Variants in TMEM245 observed in about 807,000 individuals in gnomAD.
The protein encoded by TMEM245 is protein CG-2.
TMEM245 carries 69 observed loss-of-function variants against 101.2 expected under a neutral mutation model. The ratio of observed to expected loss-of-function variants is 0.68; its 90% CI spans 0.56 to 0.83. TMEM245 has a LOEUF of 0.83. Among genes scored for constraint, TMEM245 ranks in the 40% least tolerant of loss-of-function variants. The pLI is 0.00. For synonymous variants in TMEM245, 537 were observed against 449.8 expected (o/e 1.19, Z -2.45); for missense variants, 1,075 against 1,092.8 (o/e 0.98, Z 0.23).
intron 3 of TMEM245, among the ~76,000 whole-genome samples, chr9:109,105,005 T>C (rs1418593181): frequency 1.3e-5 from 2 of 152,112 alleles, no homozygotes; most frequent in African/African-American, 4.8e-5. Context: ...AAAAAGTAGA[T>C]AAACTGGACT....
chr9:109,032,368 T>TCC (rs1827978716), intron 17 of TMEM245, among the ~76,000 whole-genome samples: 2 of 25,678 alleles, frequency 7.8e-5, no homozygotes, highest in African/African-American at 4.9e-4. Context: ...TCTTTTCCTT[T>TCC]TTTTTTTTTT....
At position 109,050,674 on chromosome 9, in the gene TMEM245, T is replaced by C. The variant is rs566287197; in HGVS notation, c.1873A>G (p.Ile625Val). ...TFLSILESLWIVMSRNVSLLF... is the reference protein window; with the variant it reads ...TFLSILESLWVVMSRNVSLLF... ...AGGCTCACATTCCGGCTCATAACGA[T>C]CCACAGAGACTCCAAGATCTGACGA... Residue 625 changes from isoleucine to valine, a missense_variant, in exon 13 of 18, where the codon ATC becomes GTC. By Grantham distance (29) the Ile-to-Val change is conservative. Transcript: ENST00000374586. 1.2e-6 allele frequency: 2 copies of C among 1,611,760 alleles called. No individual in the cohort carries two copies. The highest frequency in any genetic ancestry group is 1.7e-5 in the Admixed American group (1 of 59,538).
intron 9 of TMEM245, among the ~76,000 whole-genome samples, chr9:109,071,040 C>T (rs952765901): frequency 6.6e-6 from 1 of 151,954 alleles, no homozygotes; most frequent in African/African-American, 2.4e-5. Context: ...TGCCACACAC[C>T]CAGTTCATTT....
intron 5 of TMEM245, among the ~76,000 whole-genome samples, chr9:109,089,150 A>G (rs1043298854): frequency 6.6e-6 from 1 of 151,864 alleles, no homozygotes; most frequent in African/African-American, 2.4e-5. Flanking sequence ...AGTCTCAGCT[A>G]TCTGAGGGGC....
intron 16 of TMEM245, among the ~76,000 whole-genome samples, chr9:109,033,753 C>T (rs943830355): frequency 6.6e-6 from 1 of 152,256 alleles, no homozygotes; most frequent in African/African-American, 2.4e-5. Context: ...AAGAATAAAG[C>T]CAGCAATGTT....
chr9:109,114,358 G>A (rs561462931), intron 1 of TMEM245, among the ~76,000 whole-genome samples: 2 of 152,310 alleles, frequency 1.3e-5, no homozygotes, highest in African/African-American at 4.8e-5. Context: ...AAAGTAGAAC[G>A]GTGTCAGCAG....
chr9:109,041,438 G>A (rs1034623327), intron 14 of TMEM245, among the ~76,000 whole-genome samples: 17 of 148,672 alleles, frequency 1.1e-4, no homozygotes, highest in Admixed American at 9.4e-4. Context: ...GTAGGATGTG[G>A]TTGCCATCCT....
intron 3 of TMEM245, among the ~76,000 whole-genome samples, chr9:109,104,008 C>T (rs561996463): frequency 6.6e-6 from 1 of 152,084 alleles, no homozygotes; most frequent in African/African-American, 2.4e-5. Context: ...TCACTTGAAC[C>T]CAGGAGGTGG....
At chr9:109,067,512 C>T (rs11794648) in intron 9 of TMEM245, among the ~76,000 whole-genome samples, 35,270 of 152,096 alleles carry the variant, frequency 0.23, 4,987 homozygotes, top group Admixed American at 0.31. Flanking sequence ...AAGAGAACAA[C>T]CCTGATTAAA....
rs73654217 is a variant in TMEM245 at position 109,036,135 on chromosome 9, T to C, written c.2399+71A>G. ...TTTGTATACCCCCAGGAGAAAAAAA[T>C]CCTCCTTTAAAAAAAAAAAAACGGA... On this transcript the variant is annotated intron_variant, in intron 16 of 17. Transcript: ENST00000374586. 17,329 of 1,347,356 alleles carry C rather than the reference T, an allele frequency of 0.013. 2,007 individuals carry two copies. The African/African-American group carries it at 0.25, about 20-fold the overall frequency. The allele number at this position is 1,347,356 out of a possible 1,614,324, so 83.5% of individuals were successfully genotyped here.
At chr9:109,050,248 G>A (rs1037148321) in intron 14 of TMEM245, 35 bp downstream of exon 14, 1 of 1,605,732 alleles carries the variant, frequency 6.2e-7, no homozygotes, top group Non-Finnish European at 8.5e-7. Context: ...AAAAAGTTCT[G>A]GGAGAAATAA....
chr9:109,119,489 G>C lies in TMEM245; in HGVS notation c.425C>G (p.Ala142Gly), dbSNP rs562675630. ...CAGGAGCAGGCGGCGGCGGCGCAGCGCCTGCTCGCCCAGGGCCTCGACGCC... is the reference window on the plus strand; with the variant it reads ...CAGGAGCAGGCGGCGGCGGCGCAGCCCCTGCTCGCCCAGGGCCTCGACGCC... The part of the protein sequence containing the change: ...DYGVEALGEQ[A>G]LRRRRLLLLL... Residue 142 changes from alanine to glycine, a missense_variant, in exon 1 of 18, where the codon GCG (alanine) becomes GGG (glycine). Physicochemically the swap from Ala to Gly is moderately conservative, Grantham distance 60. Around this residue, in one of 2 missense-constraint regions of TMEM245, gnomAD observed 808 missense variants for 741.5 expected, o/e 1.09. Transcript: ENST00000374586. The C allele has an allele frequency of 1.3e-6, 2 of 1,492,744 alleles. No homozygotes were observed. Among genetic ancestry groups the C allele is most frequent in the East Asian group, 2.7e-5 (1 of 37,196 alleles). The allele number at this position is 1,492,744 out of a possible 1,614,324, so 92.5% of individuals were successfully genotyped here.
At chr9:109,026,300 A>G (rs10979658) in intron 17 of TMEM245, among the ~76,000 whole-genome samples, 8,809 of 152,274 alleles carry the variant, frequency 0.058, 427 homozygotes, top group East Asian at 0.17. Flanking sequence ...TACAAAAAAA[A>G]AAGTACAAGG....
At chr9:109,075,091 C>A (rs1217614504) in intron 8 of TMEM245, among the ~76,000 whole-genome samples, 2 of 152,176 alleles carry the variant, frequency 1.3e-5, no homozygotes, top group Non-Finnish European at 2.9e-5. Context: ...GGCTAAGGAA[C>A]AATTCAAGAG....
intron 12 of TMEM245, 97 bp downstream of exon 12, chr9:109,057,094 A>C: frequency 1.5e-6 from 2 of 1,327,544 alleles, no homozygotes; most frequent in Non-Finnish European, 2.1e-6. Context: ...GATGTTAAAA[A>C]CAGGATAGAT....
At chr9:109,068,230 C>T (rs1467561399) in intron 9 of TMEM245, among the ~76,000 whole-genome samples, 4 of 151,928 alleles carry the variant, frequency 2.6e-5, no homozygotes, top group East Asian at 3.9e-4. Context: ...ATTAGCCGGG[C>T]GTGGTGGCAG....
intron 10 of TMEM245, among the ~76,000 whole-genome samples, chr9:109,061,862 C>T (rs1829024216): frequency 6.6e-6 from 1 of 152,138 alleles, no homozygotes; most frequent in Admixed American, 6.6e-5. Flanking sequence ...AGCCACCACG[C>T]CCACCCATGA....
Position 109,019,766 on chromosome 9 carries a change from A to G in TMEM245, c.*694T>C, listed in dbSNP as rs928306882. ...AGCAGCTTAATAAGTATTTCACTTC[A>G]ACGTGGTCAGCCAAGTTTTATAATT... On this transcript the variant is annotated 3_prime_UTR_variant, in exon 18 of 18. Transcript: ENST00000374586. The G allele has an allele frequency of 6.6e-6, 1 of 152,614 alleles. No individual in the cohort carries two copies. The highest frequency in any genetic ancestry group is 2.4e-5 in the African/African-American group (1 of 41,462). The allele number at this position is 152,614 out of a possible 1,614,324, so 9.5% of individuals were successfully genotyped here.
intron 1 of TMEM245, among the ~76,000 whole-genome samples, chr9:109,112,834 T>C (rs560953118): frequency 5.3e-5 from 8 of 152,192 alleles, no homozygotes; most frequent in Admixed American, 5.2e-4. Context: ...TCCCAGCACT[T>C]TGGGAGACCA....
Sources: allele counts gnomAD v4.1 joint callset (sites outside exome capture counted in the v4.1 genomes callset), GRCh38; gene constraint gnomAD v4.1.1; regional missense constraint gnomAD v4.1.1; transcripts MANE v1.5; gene names NCBI Gene and HGNC (gene_info 2026-07-23, HGNC 2026-07-21).